Variants in PARD3B observed in about 807,000 individuals in gnomAD.
The protein encoded by PARD3B is partitioning defective 3 homolog B.
A neutral mutation model predicts 130.2 loss-of-function variants in PARD3B; 103 were observed. The ratio of observed to expected loss-of-function variants is 0.79; its 90% confidence interval spans 0.67 to 0.93. The LOEUF (loss-of-function observed/expected upper bound fraction) is 0.93, where lower values mean the gene tolerates loss of function less well. Ranked by LOEUF, PARD3B falls within the 40% of genes least tolerant of loss-of-function variation. The pLI is 0.00. For synonymous variants in PARD3B, 583 were observed against 553.2 expected, an observed-to-expected ratio of 1.05 and a Z score of -0.76; for missense variants, 1,609 against 1,499.2, an observed-to-expected ratio of 1.07 and a Z score of -1.21.
chr2:204,609,414 G>A lies in PARD3B; in HGVS notation c.120+63295G>A, dbSNP rs574012246. 4.6e-5 allele frequency among the ~76,000 whole-genome samples: 7 copies of A among 152,266 alleles called. No homozygotes were observed. The South Asian group carries it at 1.2e-3, about 27-fold the overall frequency. On this transcript the variant is annotated intron_variant, in intron 1 of 22. Coordinates refer to ENST00000406610, the MANE Select transcript of PARD3B (RefSeq NM_001302769.2). The stretch of plus-strand genomic sequence containing the variant: ...GTCTCAAGAGGTCCTGGGAAGGTGT[G>A]CCCAAGGTGGTCAGGTTATAGTTTG...
intron 3 of PARD3B, among the ~76,000 whole-genome samples, chr2:205,036,724 CGG>C (rs1697942299): frequency 7.0e-6 from 1 of 141,948 alleles, no homozygotes; most frequent in Non-Finnish European, 1.5e-5. Flanking sequence ...ATATACACAG[CGG>C]ACTGTATGTA....
At chr2:204,807,954 A>G (rs549990118) in intron 2 of PARD3B, among the ~76,000 whole-genome samples, 3 of 152,116 alleles carry the variant, frequency 2.0e-5, no homozygotes, top group Non-Finnish European at 2.9e-5. Context: ...AATAACTAAA[A>G]GAGTATAACT....
chr2:205,452,927 AT>A (rs2048153918), intron 20 of PARD3B, among the ~76,000 whole-genome samples: 1 of 152,210 alleles, frequency 6.6e-6, no homozygotes, highest in African/African-American at 2.4e-5. Context: ...ACCCTGATTT[AT>A]TAAAGCTGTC....
In PARD3B at chr2:205,584,537, G is replaced by A. The variant is rs1454731837; in HGVS notation, c.3261-30919G>A. Among the ~76,000 whole-genome samples the A allele has an allele frequency of 1.3e-5, 2 of 152,058 alleles. No homozygotes were observed. The highest frequency in any genetic ancestry group is 6.5e-5 in the Admixed American group (1 of 15,270). On this transcript the variant is annotated intron_variant, in intron 22 of 22. Transcript: ENST00000406610. This position sits in a 1 kb window ranked among gnomAD's most constrained non-coding sequence, Gnocchi z 5.5. ...TACTAAAAATACAAAAATTAGCCGG[G>A]TGTGGTGGCGGGTGCCTGTAATCCC...
intron 2 of PARD3B, among the ~76,000 whole-genome samples, chr2:204,830,244 G>T (rs921236714): frequency 1.3e-5 from 2 of 152,016 alleles, no homozygotes; most frequent in Non-Finnish European, 2.9e-5. Flanking sequence ...TAATACATAG[G>T]ATAACTGGAT....
At chr2:204,946,539 G>A (rs756813249) in intron 2 of PARD3B, among the ~76,000 whole-genome samples, 8 of 152,036 alleles carry the variant, frequency 5.3e-5, no homozygotes, top group South Asian at 2.1e-4. Flanking sequence ...AGGGAACACC[G>A]AGGAGATTTA....
At chr2:205,103,360 T>TTTTATTTATGTAAAATAAATATA in intron 4 of PARD3B, among the ~76,000 whole-genome samples, 1 of 4,124 alleles carries the variant, frequency 2.4e-4, no homozygotes, top group Admixed American at 6.1e-3. Flanking sequence ...ATAAATATAT[T>TTTTATTTATGTAAAATAAATATA]TTTTATTTAT....
chr2:205,615,995 G>A lies in PARD3B; in HGVS notation c.*182G>A. On this transcript the variant is annotated 3_prime_UTR_variant, in exon 23 of 23. Transcript: ENST00000406610. ...GAAAAAGAAGGGGAAGGGAATTGGG[G>A]AGGAAAAAAAATCAGAAGGAAGACG... 2 of 584,844 alleles carry A rather than the reference G, an allele frequency of 3.4e-6. No individual in the cohort carries two copies. The highest frequency in any genetic ancestry group is 1.9e-5 in the African/African-American group (1 of 53,186). The allele number at this position is 584,844 out of a possible 1,614,324, so 36.2% of individuals were successfully genotyped here.
intron 18 of PARD3B, among the ~76,000 whole-genome samples, chr2:205,368,550 T>G (rs536591005): frequency 2.0e-5 from 3 of 152,040 alleles, no homozygotes; most frequent in Non-Finnish European, 4.4e-5. Context: ...GAGAATTGCT[T>G]GAACCCAGGA....
intron 5 of PARD3B, among the ~76,000 whole-genome samples, chr2:205,108,527 A>T (rs1222202861): frequency 6.6e-6 from 1 of 151,462 alleles, no homozygotes. Context: ...CCTCTCTCTA[A>T]TATTACAACC....
chr2:205,019,894 G>A (rs1463401973), intron 3 of PARD3B, among the ~76,000 whole-genome samples: 2 of 152,244 alleles, frequency 1.3e-5, no homozygotes, highest in South Asian at 2.1e-4. Context: ...TCTCCAGAGA[G>A]CTCATTTGTC....
At chr2:205,499,824 CA>C in intron 20 of PARD3B, 71 bp from the exon 21 acceptor site, 1 of 1,424,724 alleles carries the variant, frequency 7.0e-7, no homozygotes, top group Non-Finnish European at 9.5e-7. Context: ...ACTCCTTTAA[CA>C]AGAAGATCCA....
intron 15 of PARD3B, among the ~76,000 whole-genome samples, chr2:205,240,939 G>A (rs2039325343): frequency 6.6e-6 from 1 of 152,166 alleles, no homozygotes; most frequent in South Asian, 2.1e-4. Context: ...TGTGCACTTT[G>A]ATGTTTGCCA....
intron 16 of PARD3B, among the ~76,000 whole-genome samples, chr2:205,282,150 A>G (rs1476291248): frequency 2.0e-5 from 3 of 152,328 alleles, no homozygotes; most frequent in South Asian, 2.1e-4. Flanking sequence ...AAGGATATTG[A>G]AAGAATTTAA....
chr2:204,734,650 A>G (rs755392979), intron 2 of PARD3B, among the ~76,000 whole-genome samples: 10 of 152,198 alleles, frequency 6.6e-5, no homozygotes, highest in Admixed American at 1.3e-4. Context: ...GCCAGACACC[A>G]GAGACTGTAT....
intron 18 of PARD3B, among the ~76,000 whole-genome samples, chr2:205,372,017 C>A (rs181323651): frequency 6.6e-5 from 10 of 152,194 alleles, no homozygotes; most frequent in Admixed American, 6.5e-4. Flanking sequence ...TAATAATATT[C>A]TATTGTGTGC....
chr2:204,830,136 G>A (rs765459317), intron 2 of PARD3B, among the ~76,000 whole-genome samples: 1 of 151,820 alleles, frequency 6.6e-6, no homozygotes, highest in African/African-American at 2.4e-5. Context: ...TCCCAGCCAT[G>A]CCTGCTGTGT....
intron 22 of PARD3B, among the ~76,000 whole-genome samples, chr2:205,560,039 G>A (rs1055769161): frequency 1.3e-5 from 2 of 152,136 alleles, no homozygotes; most frequent in Admixed American, 6.6e-5. Context: ...CATTTCATAG[G>A]GAAGGTCACA....
chr2:205,360,536 T>C (rs999742745), intron 18 of PARD3B, among the ~76,000 whole-genome samples: 4 of 152,252 alleles, frequency 2.6e-5, no homozygotes, highest in African/African-American at 9.6e-5. Flanking sequence ...TGGTTTATTG[T>C]GTAATAGAAG....
Sources: allele counts gnomAD v4.1 joint callset (sites outside exome capture counted in the v4.1 genomes callset), GRCh38; gene constraint gnomAD v4.1.1; non-coding constraint Gnocchi (gnomAD v3.1); transcripts MANE v1.5; gene names NCBI Gene and HGNC (gene_info 2026-07-23, HGNC 2026-07-21).